KIF13B: variants seen among roughly 807,000 people sequenced by gnomAD.
KIF13B encodes kinesin family member 13B.
KIF13B carries 127 observed loss-of-function variants against 222.0 expected under a neutral mutation model. The observed-to-expected ratio is 0.57, with a 90% confidence interval of 0.50 to 0.66. KIF13B has a LOEUF of 0.66. KIF13B is among the 30% of genes least tolerant of loss of function. The probability of loss-of-function intolerance (pLI) is 0.00; values close to 1 mark genes in which losing one functional copy is unlikely to be tolerated. For synonymous variants in KIF13B, 976 were observed against 919.0 expected (o/e 1.06, Z -1.12); for missense variants, 2,173 against 2,379.0 (o/e 0.91, Z 1.80).
intron 2 of KIF13B, among the ~76,000 whole-genome samples, chr8:29,242,191 T>G (rs1815812175): frequency 6.6e-6 from 1 of 151,982 alleles, no homozygotes; most frequent in Admixed American, 6.6e-5. Context: ...CTTAAGAAAC[T>G]ATTTGTATCG....
At chr8:29,081,329 G>C (rs1317910099) in intron 37 of KIF13B, among the ~76,000 whole-genome samples, 1 of 152,234 alleles carries the variant, frequency 6.6e-6, no homozygotes, top group African/African-American at 2.4e-5. Context: ...CCAGCCACTG[G>C]TGGTGACCCA....
intron 2 of KIF13B, among the ~76,000 whole-genome samples, chr8:29,241,323 C>T (rs1487517983): frequency 6.6e-6 from 1 of 152,160 alleles, no homozygotes; most frequent in Non-Finnish European, 1.5e-5. Context: ...GTGCAGGTTG[C>T]ACAATTCAGT....
At chr8:29,100,223 T>G (rs1808725780) in intron 35 of KIF13B, among the ~76,000 whole-genome samples, 1 of 152,176 alleles carries the variant, frequency 6.6e-6, no homozygotes, top group South Asian at 2.1e-4. Flanking sequence ...CCAAAATTCA[T>G]GGTGAGCCAT....
chr8:29,138,488 C>G (rs1266855502), intron 21 of KIF13B: 1 of 151,962 alleles, frequency 6.6e-6, no homozygotes, highest in Non-Finnish European at 1.5e-5. Context: ...ATTATAGAAC[C>G]ATTCTTTTGT....
intron 34 of KIF13B, 112 bp downstream of exon 34, chr8:29,109,322 G>T: frequency 1.2e-6 from 1 of 827,880 alleles, no homozygotes. Flanking sequence ...ATCAGTCCTG[G>T]CAAGGGAAGG....
At chr8:29,197,336 C>CAAAAAAAAAAAAAAAAA (rs71222598) in intron 2 of KIF13B, among the ~76,000 whole-genome samples, 9 of 57,768 alleles carry the variant, frequency 1.6e-4, no homozygotes, top group Admixed American at 2.3e-4. Context: ...GACTCCGTCT[C>CAAAAAAAAAAAAAAAAA]AAAAAAAAAA....
In KIF13B at chr8:29,148,224, A is replaced by G. The variant is rs190517302; in HGVS notation, c.1813+353T>C. Among the ~76,000 whole-genome samples the G allele has an allele frequency of 2.7e-3, 414 of 152,322 alleles. 4 individuals are homozygous for G. The highest frequency in any genetic ancestry group is 0.01 in the South Asian group (49 of 4,826). ...TCTCACAAAAAATTAAAATAAAATAAACAAGAGAGATTCTATCCATCAGAT... is the reference window on the plus strand; with the variant it reads ...TCTCACAAAAAATTAAAATAAAATAGACAAGAGAGATTCTATCCATCAGAT... On this transcript the variant is annotated intron_variant, in intron 16 of 39. Transcript: ENST00000524189.
intron 31 of KIF13B, 39 bp from the exon 32 acceptor site, chr8:29,113,594 G>T: frequency 8.2e-7 from 1 of 1,226,460 alleles, no homozygotes; most frequent in Non-Finnish European, 1.2e-6. Context: ...TTTCCCACCT[G>T]AAAAACTGAG....
intron 2 of KIF13B, 34 bp from the exon 3 acceptor site, chr8:29,196,233 G>T: frequency 1.4e-6 from 2 of 1,456,772 alleles, no homozygotes; most frequent in Non-Finnish European, 1.8e-6. Flanking sequence ...TCATTGACGT[G>T]AAAGAAAAGT....
chr8:29,260,026 T>C (rs1471043739), intron 1 of KIF13B, among the ~76,000 whole-genome samples: 1 of 152,226 alleles, frequency 6.6e-6, no homozygotes, highest in Non-Finnish European at 1.5e-5. Context: ...TTCTTTTTCC[T>C]TTTGTTAGTG....
At chr8:29,187,675 CTGTTT>C (rs1312082028) in intron 5 of KIF13B, among the ~76,000 whole-genome samples, 1 of 152,208 alleles carries the variant, frequency 6.6e-6, no homozygotes, top group African/African-American at 2.4e-5. Context: ...ATAATTCCTT[CTGTTT>C]TTAGTAGCAG....
At chr8:29,233,716 C>G (rs1815384901) in intron 2 of KIF13B, among the ~76,000 whole-genome samples, 1 of 152,200 alleles carries the variant, frequency 6.6e-6, no homozygotes, top group Admixed American at 6.5e-5. Flanking sequence ...GAGCCAGGCA[C>G]AGTGGCTCAC....
intron 2 of KIF13B, among the ~76,000 whole-genome samples, chr8:29,201,304 C>A (rs1813681513): frequency 6.6e-6 from 1 of 152,232 alleles, no homozygotes; most frequent in African/African-American, 2.4e-5. Context: ...AAACTAACCT[C>A]TTCCTCCTTT....
intron 34 of KIF13B, among the ~76,000 whole-genome samples, chr8:29,108,401 A>G (rs1809196970): frequency 6.6e-6 from 1 of 152,242 alleles, no homozygotes; most frequent in South Asian, 2.1e-4. Flanking sequence ...AGAGATTTCT[A>G]TAAGATCTGG....
intron 32 of KIF13B, among the ~76,000 whole-genome samples, chr8:29,112,616 G>A (rs1298450502): frequency 2.0e-5 from 3 of 152,060 alleles, no homozygotes; most frequent in South Asian, 2.1e-4. Context: ...CTCCAACCCC[G>A]AGGAAGTGAA....
chr8:29,085,748 G>T (rs1302453492), intron 37 of KIF13B, among the ~76,000 whole-genome samples: 2 of 127,598 alleles, frequency 1.6e-5, no homozygotes, highest in African/African-American at 6.2e-5. Context: ...AGGGAGCCAG[G>T]CTGGGATGGG....
upstream of KIF13B, chr8:29,263,216 C>T: frequency 1.8e-6 from 1 of 561,096 alleles, no homozygotes; most frequent in Middle Eastern, 4.8e-4. Context: ...TCCCCAGGGT[C>T]GTCGTGGGCG....
At chr8:29,105,085 C>T (rs1443550413) in intron 35 of KIF13B, among the ~76,000 whole-genome samples, 4 of 152,036 alleles carry the variant, frequency 2.6e-5, no homozygotes. Context: ...TCCCCTGCCT[C>T]AGCCTCGAAT....
rs1586832215 is a variant in KIF13B, at chr8:29,140,543, G to C, written c.2409C>G (p.Ala803=). 2 of 1,613,626 alleles carry C rather than the reference G, an allele frequency of 1.2e-6. No individual in the cohort carries two copies. The highest frequency in any genetic ancestry group is 2.7e-5 in the African/African-American group (2 of 74,898). The change falls in exon 20 of 40, where the codon GCC becomes GCG. Residue 803 remains alanine (A), a synonymous_variant. Transcript: ENST00000524189. ...EQENHSLIGV[A]NVFLESLFYD... is the part of the protein sequence containing the mutation. ...AGAAAAGTGACTCGAGGAAGACATT[G>C]GCCACCCCAATGAGACTGTGATTTT... is the stretch of plus-strand genomic sequence containing the variant.
Sources: gnomAD v4.1 joint callset for allele counts (sites outside exome capture counted in the v4.1 genomes callset) on GRCh38, gnomAD v4.1.1 for gene constraint, MANE v1.5 for transcripts, NCBI Gene and HGNC (gene_info 2026-07-23, HGNC 2026-07-21) for gene names.